Variants in RASA2 observed in about 807,000 individuals in gnomAD.
The protein encoded by RASA2 is RAS p21 protein activator 2, also known as ras GTPase-activating protein 2.
A neutral mutation model predicts 118.2 loss-of-function variants in RASA2; 155 were observed. The ratio of observed to expected loss-of-function variants is 1.31; its 90% CI spans 1.15 to 1.50. The LOEUF is 1.50. Ranked by LOEUF, RASA2 falls within the 40% of genes most tolerant of loss-of-function variation. The pLI, the probability that RASA2 is intolerant of heterozygous loss-of-function variation, is 0.00. For missense variants in RASA2, 1,016 were observed against 1,009.6 expected, an observed-to-expected ratio of 1.01 and a Z score of -0.09; for synonymous variants, 353 against 349.1, an observed-to-expected ratio of 1.01 and a Z score of -0.12.
chr3:141,491,931 T>A (rs2081644465), intron 1 of RASA2, among the ~76,000 whole-genome samples: 1 of 152,192 alleles, frequency 6.6e-6, no homozygotes, highest in Non-Finnish European at 1.5e-5. Context: ...GACTATCCAG[T>A]AAAGTTGAGT....
At chr3:141,528,822 G>A (rs2082218859) in intron 3 of RASA2, among the ~76,000 whole-genome samples, 2 of 151,900 alleles carry the variant, frequency 1.3e-5, no homozygotes, top group African/African-American at 4.8e-5. Context: ...TAAGTACAAG[G>A]AAATAAAGTA....
In RASA2 at chr3:141,499,878, C is replaced by T. The variant is rs531052875; in HGVS notation, c.134-12285C>T. Among the ~76,000 whole-genome samples the T allele has an allele frequency of 1.1e-4, 17 of 152,284 alleles. No individual in the cohort carries two copies. The South Asian group carries it at 2.7e-3, about 24-fold the overall frequency. On this transcript the variant is annotated intron_variant, in intron 1 of 23. Coordinates refer to ENST00000286364, the MANE Select transcript of RASA2 (RefSeq NM_006506.5). The stretch of plus-strand genomic sequence containing the variant: ...TGCTGGGATTACAGGCATGAGCCAC[C>T]GTGCCTGGCCAATGTGTTGTTTTTT...
chr3:141,590,192 T>C (rs2083267091), intron 19 of RASA2: 1 of 455,900 alleles, frequency 2.2e-6, no homozygotes, highest in Admixed American at 2.4e-5. Flanking sequence ...TAATATTAAT[T>C]GTTATATGGA....
chr3:141,568,707 G>A (rs2082864709), intron 9 of RASA2, among the ~76,000 whole-genome samples: 1 of 152,028 alleles, frequency 6.6e-6, no homozygotes. Context: ...AGTTCTTGAA[G>A]TTTGAGCTTC....
chr3:141,516,224 GAA>G (rs2082023472), intron 2 of RASA2, 102 bp from the exon 3 acceptor site: 2 of 769,320 alleles, frequency 2.6e-6, no homozygotes, highest in South Asian at 3.9e-5. Flanking sequence ...ATTAAAAAAA[GAA>G]AGTGATATTA....
chr3:141,562,880 C>T lies in RASA2; in HGVS notation c.863+2885C>T, dbSNP rs959983633. 6.6e-4 allele frequency among the ~76,000 whole-genome samples: 101 copies of T among 152,146 alleles called. 1 individual carries two copies. The highest frequency in any genetic ancestry group is 2.3e-3 in the African/African-American group (97 of 41,550). On this transcript the variant is annotated intron_variant, in intron 9 of 23. Coordinates refer to ENST00000286364, the MANE Select transcript of RASA2 (RefSeq NM_006506.5). ...TAGAGATGGGGTTTCACCATGTTCA[C>T]CAGGCTGGTCTTGATCTCCTGACCT...
chr3:141,541,607 C>T (rs1369034172), intron 5 of RASA2, among the ~76,000 whole-genome samples: 3 of 151,882 alleles, frequency 2.0e-5, no homozygotes, highest in Non-Finnish European at 4.4e-5. Flanking sequence ...TAGTTATTTT[C>T]TAATATTTTA....
chr3:141,564,168 A>C (rs2082781706), intron 9 of RASA2, among the ~76,000 whole-genome samples: 2 of 152,164 alleles, frequency 1.3e-5, no homozygotes, highest in South Asian at 4.1e-4. Flanking sequence ...TCTACATAGA[A>C]CAATGCTATG....
chr3:141,612,126 A>G (rs1054998684), intron 23 of RASA2, among the ~76,000 whole-genome samples, 157 bp from the exon 24 acceptor site: 7 of 152,178 alleles, frequency 4.6e-5, no homozygotes, highest in Non-Finnish European at 8.8e-5. Flanking sequence ...CTAAGATTGA[A>G]TAGGTGGTCA....
At chr3:141,606,255 A>G (rs567482817) in intron 19 of RASA2, among the ~76,000 whole-genome samples, 10 of 152,132 alleles carry the variant, frequency 6.6e-5, no homozygotes, top group Admixed American at 3.9e-4. Context: ...CCACCATTCA[A>G]TTCCCCACCC....
chr3:141,570,039 G>A (rs960161326), intron 9 of RASA2, among the ~76,000 whole-genome samples: 23 of 147,556 alleles, frequency 1.6e-4, no homozygotes, highest in African/African-American at 4.5e-4. Flanking sequence ...GTACATGAGC[G>A]TTCAATATTC....
At chr3:141,587,378 C>G (rs779675485) in intron 19 of RASA2, among the ~76,000 whole-genome samples, 7 of 152,194 alleles carry the variant, frequency 4.6e-5, no homozygotes, top group Non-Finnish European at 7.3e-5. Context: ...TGACACAGTC[C>G]TTTAAATAAA....
chr3:141,557,499 A>G (rs1398217983), intron 7 of RASA2, among the ~76,000 whole-genome samples: 1 of 152,226 alleles, frequency 6.6e-6, no homozygotes, highest in African/African-American at 2.4e-5. Flanking sequence ...GGGCTTGTGT[A>G]AGGAAATAAT....
At chr3:141,517,795 A>G (rs1046304508) in intron 3 of RASA2, among the ~76,000 whole-genome samples, 5 of 151,992 alleles carry the variant, frequency 3.3e-5, no homozygotes, top group African/African-American at 1.2e-4. Context: ...CTGGGACTAC[A>G]GGCTCCCACC....
intron 19 of RASA2, chr3:141,600,546 C>A: frequency 3.6e-6 from 1 of 276,604 alleles, no homozygotes; most frequent in East Asian, 1.1e-4. Flanking sequence ...GCTTGGCCAG[C>A]TTGGCCTTCA....
chr3:141,575,789 GTTTTGT>G (rs1015472428), intron 14 of RASA2, among the ~76,000 whole-genome samples: 1 of 151,946 alleles, frequency 6.6e-6, no homozygotes, highest in Non-Finnish European at 1.5e-5. Context: ...GTTTTTTTGG[GTTTTGT>G]TTTTGTTTTT....
At chr3:141,610,173 G>C (rs924926776) in intron 23 of RASA2, 107 bp downstream of exon 23, 1 of 928,518 alleles carries the variant, frequency 1.1e-6, no homozygotes, top group African/African-American at 1.7e-5. Flanking sequence ...TCAACATCCC[G>C]CTCAGGGCCA....
At chr3:141,524,013 C>CT (rs2082149591) in intron 3 of RASA2, among the ~76,000 whole-genome samples, 1 of 152,228 alleles carries the variant, frequency 6.6e-6, no homozygotes, top group African/African-American at 2.4e-5. Context: ...ACTTTGGTGT[C>CT]TGTTTGCACA....
intron 9 of RASA2, among the ~76,000 whole-genome samples, chr3:141,569,638 T>C (rs1327936678): frequency 6.6e-6 from 1 of 152,200 alleles, no homozygotes; most frequent in Non-Finnish European, 1.5e-5. Flanking sequence ...TTTTGTTTTG[T>C]TTTGTTTTTT....
Sources: gnomAD v4.1 joint callset for allele counts (sites outside exome capture counted in the v4.1 genomes callset) on GRCh38, gnomAD v4.1.1 for gene constraint, MANE v1.5 for transcripts, NCBI Gene and HGNC (gene_info 2026-07-23, HGNC 2026-07-21) for gene names.